The following MDGA2 variants were observed in gnomAD, a reference collection of about 807,000 sequenced individuals.
The protein encoded by MDGA2 is MAM domain-containing glycosylphosphatidylinositol anchor protein 2.
Under a neutral mutation model 117.8 loss-of-function variants are expected in MDGA2, and 40 were observed. The observed-to-expected ratio is 0.34, with a 90% confidence interval of 0.26 to 0.44. The LOEUF (loss-of-function observed/expected upper bound fraction) is 0.44, where lower values mean the gene tolerates loss of function less well. MDGA2 is among the 20% of genes least tolerant of loss of function. MDGA2 has a pLI of 1.00. For missense variants in MDGA2, 1,123 were observed against 1,250.6 expected, an observed-to-expected ratio of 0.90 and a Z score of 1.54; for synonymous variants, 452 against 439.0, an observed-to-expected ratio of 1.03 and a Z score of -0.37.
At chr14:47,096,572 T>C (rs1418390304) in intron 6 of MDGA2, among the ~76,000 whole-genome samples, 2 of 152,018 alleles carry the variant, frequency 1.3e-5, no homozygotes, top group African/African-American at 4.8e-5. Flanking sequence ...CATTTTTTCT[T>C]TCAATCTTTT....
intron 3 of MDGA2, among the ~76,000 whole-genome samples, chr14:47,158,577 C>G (rs1307329095): frequency 6.7e-6 from 1 of 149,878 alleles, no homozygotes; most frequent in Non-Finnish European, 1.5e-5. Context: ...GCCTCCTGTT[C>G]AAGTGATTCT....
At chr14:47,498,472 T>C (rs1164345351) in intron 1 of MDGA2, among the ~76,000 whole-genome samples, 1 of 152,176 alleles carries the variant, frequency 6.6e-6, no homozygotes, top group East Asian at 1.9e-4. Context: ...GACTGTGCTA[T>C]TATGAAGGCA....
intron 1 of MDGA2, among the ~76,000 whole-genome samples, chr14:47,324,646 CA>C (rs1297216917): frequency 6.6e-6 from 1 of 151,298 alleles, no homozygotes; most frequent in African/African-American, 2.4e-5. Context: ...CAAATTCATG[CA>C]TTTTTTTTTG....
chr14:47,342,102 C>T (rs1890642448), intron 1 of MDGA2, among the ~76,000 whole-genome samples: 1 of 152,008 alleles, frequency 6.6e-6, no homozygotes, highest in African/African-American at 2.4e-5. Flanking sequence ...CCGCCTGCCT[C>T]ATCCTCCCAA....
rs185293709 is a variant in MDGA2 at position 47,220,644 on chromosome 14, C to A, written c.421-2449G>T. Among the ~76,000 whole-genome samples, 29 of 152,234 alleles carry A rather than the reference C, an allele frequency of 1.9e-4. No individual in the cohort carries two copies. In the East Asian group the frequency reaches 5.0e-3, roughly 26 times the overall value. On this transcript the variant is annotated intron_variant, in intron 2 of 16. Coordinates refer to ENST00000399232, the MANE Select transcript of MDGA2 (RefSeq NM_001113498.3). The stretch of plus-strand genomic sequence containing the variant: ...CTAAACTATTTATAGCCCTGGACTT[C>A]TATATGGGGAAAAATAAAATTTTTG...
At chr14:46,896,357 G>T (rs1169430283) in intron 10 of MDGA2, among the ~76,000 whole-genome samples, 1 of 152,090 alleles carries the variant, frequency 6.6e-6, no homozygotes, top group African/African-American at 2.4e-5. Context: ...TTACACAAAT[G>T]TATAAATAGA....
chr14:46,979,274 T>TG (rs917366306), intron 8 of MDGA2, among the ~76,000 whole-genome samples: 7 of 152,118 alleles, frequency 4.6e-5, no homozygotes, highest in African/African-American at 1.7e-4. Context: ...ACCAACCAGC[T>TG]GCTTCCCCGT....
At chr14:47,329,678 C>T (rs1890240237) in intron 1 of MDGA2, among the ~76,000 whole-genome samples, 8 of 151,902 alleles carry the variant, frequency 5.3e-5, no homozygotes, top group African/African-American at 1.9e-4. Flanking sequence ...TGGAAAGTCT[C>T]AAATTTTTAT....
chr14:47,652,174 A>G (rs1338148177), intron 1 of MDGA2, among the ~76,000 whole-genome samples: 2 of 152,224 alleles, frequency 1.3e-5, no homozygotes, highest in Non-Finnish European at 2.9e-5. Flanking sequence ...AGCAAAAGAT[A>G]TACAGAAGCA....
chr14:47,014,643 G>T (rs8014310), intron 8 of MDGA2, among the ~76,000 whole-genome samples: 152,313 of 152,316 alleles, frequency 1, 76,155 homozygotes, highest in Middle Eastern at 1. Context: ...GCTTCAAACT[G>T]TTCTTCTGCA....
chr14:46,955,653 G>T (rs1371510235), intron 9 of MDGA2, among the ~76,000 whole-genome samples: 1 of 151,948 alleles, frequency 6.6e-6, no homozygotes, highest in Non-Finnish European at 1.5e-5. Context: ...AGAAAGAAAA[G>T]AGGAATAATC....
intron 1 of MDGA2, among the ~76,000 whole-genome samples, chr14:47,428,609 A>G (rs550214978): frequency 2.0e-5 from 3 of 152,142 alleles, no homozygotes; most frequent in South Asian, 2.1e-4. Context: ...TCTCATTATC[A>G]TATCAAACCC....
chr14:47,131,041 A>G (rs1489735450), intron 5 of MDGA2, among the ~76,000 whole-genome samples: 1 of 151,904 alleles, frequency 6.6e-6, no homozygotes, highest in East Asian at 1.9e-4. Flanking sequence ...AAAAATTTAT[A>G]TTGATATGAA....
chr14:47,021,381 A>C (rs1251799576), intron 8 of MDGA2, among the ~76,000 whole-genome samples: 2 of 152,172 alleles, frequency 1.3e-5, no homozygotes, highest in Non-Finnish European at 2.9e-5. Context: ...AACTTTCAAA[A>C]TTTTAATTCA....
rs780961322 is a variant in MDGA2, at chr14:47,097,026, T to C, written c.1023A>G (p.Ala341=). The C allele has an allele frequency of 1.2e-6, 2 of 1,613,350 alleles. No individual in the cohort carries two copies. Among genetic ancestry groups the C allele is most frequent in the Non-Finnish European group, 1.7e-6 (2 of 1,179,496 alleles). The change falls in exon 6 of 17, where the codon GCA becomes GCG. Residue 341 remains alanine, a synonymous_variant. Transcript: ENST00000399232. ...LVCVTTGGEP[A]PSLTWVRSFG... ...AGGACCTGACCCAGGTGAGAGAAGG[T>C]GCAGGCTCTCCTCCTGTTGTAACAC...
chr14:46,971,140 C>T (rs1219140013), intron 8 of MDGA2, among the ~76,000 whole-genome samples: 1 of 151,932 alleles, frequency 6.6e-6, no homozygotes, highest in Non-Finnish European at 1.5e-5. Flanking sequence ...ATACCCACTA[C>T]AGAAATCATT....
At chr14:47,164,392 A>G (rs1356797343) in intron 3 of MDGA2, among the ~76,000 whole-genome samples, 1 of 152,334 alleles carries the variant, frequency 6.6e-6, no homozygotes, top group South Asian at 2.1e-4. Flanking sequence ...AAAGAACTCA[A>G]ACAAATTTAC....
intron 5 of MDGA2, among the ~76,000 whole-genome samples, chr14:47,119,171 C>A (rs1302385612): frequency 0.015 from 175 of 11,416 alleles, 32 homozygotes; most frequent in African/African-American, 0.026. Context: ...CTGCCTCAGC[C>A]CCGCCCCCCC....
chr14:47,299,890 T>C (rs1289764902), intron 2 of MDGA2, among the ~76,000 whole-genome samples: 1 of 152,218 alleles, frequency 6.6e-6, no homozygotes, highest in Non-Finnish European at 1.5e-5. Flanking sequence ...TTTGAAATTT[T>C]AGTTATCGTG....
Sources: allele counts gnomAD v4.1 joint callset (sites outside exome capture counted in the v4.1 genomes callset), GRCh38; gene constraint gnomAD v4.1.1; transcripts MANE v1.5; gene names NCBI Gene and HGNC (gene_info 2026-07-23, HGNC 2026-07-21).